Variants in BUD13 observed in about 807,000 individuals in gnomAD.
BUD13 encodes the protein BUD13 spliceosome associated protein.
BUD13 carries 47 observed loss-of-function variants against 62.5 expected under a neutral mutation model. That is an observed-to-expected ratio of 0.75 (90% confidence interval 0.60 to 0.96). The LOEUF (loss-of-function observed/expected upper bound fraction) is 0.96. Ranked by LOEUF, BUD13 falls within the 40% of genes least tolerant of loss-of-function variation. The pLI is 0.00. For synonymous variants in BUD13, 293 were observed against 280.1 expected (o/e 1.05, Z -0.46); for missense variants, 821 against 790.9 (o/e 1.04, Z -0.46).
chr11:116,772,929 A>G lies in BUD13; in HGVS notation c.36T>C (p.Tyr12=). Residue 12 remains tyrosine, a synonymous_variant, in exon 1 of 10, where the codon TAT becomes TAC. Transcript: ENST00000260210. ...CTGCCCCGGACAAGTAACGCTTCAG[A>G]TACTCGGCCTTGGAAAGCGGCGGAG... is the stretch of plus-strand genomic sequence containing the variant. ...AAAPPLSKAE[Y]LKRYLSGADA... is the part of the protein sequence containing the mutation. 1 of 1,585,576 alleles carries G rather than the reference A, an allele frequency of 6.3e-7. No homozygotes were observed. The highest frequency in any genetic ancestry group is 8.6e-7 in the Non-Finnish European group (1 of 1,166,220).
Position 116,752,951 on chromosome 11 carries a change from C to T in BUD13, c.1766+4195G>A, listed in dbSNP as rs559923536. Among the ~76,000 whole-genome samples the T allele has an allele frequency of 2.4e-4, 37 of 152,170 alleles. 1 individual carries two copies. The highest frequency in any genetic ancestry group is 6.5e-4 in the African/African-American group (27 of 41,508). On this transcript the variant is annotated intron_variant, in intron 9 of 9. Transcript: ENST00000260210. ...TGGCTGTTGGATTTTGACGGCACCC[C>T]GAGGGACAGAAGACAACGCCTTAGG...
intron 2 of BUD13, among the ~76,000 whole-genome samples, chr11:116,767,717 T>G (rs1306354222): frequency 6.6e-6 from 1 of 151,866 alleles, no homozygotes; most frequent in African/African-American, 2.4e-5. Context: ...CTAACACCTG[T>G]AATCCCAACA....
intron 9 of BUD13, among the ~76,000 whole-genome samples, chr11:116,753,521 G>C (rs1940276180): frequency 6.6e-6 from 1 of 152,198 alleles, no homozygotes; most frequent in Admixed American, 6.5e-5. Context: ...GAGGAATACA[G>C]TGTAACAGAA....
chr11:116,756,849 C>A (rs1940334543), intron 9 of BUD13, among the ~76,000 whole-genome samples: 1 of 152,076 alleles, frequency 6.6e-6, no homozygotes, highest in South Asian at 2.1e-4. Flanking sequence ...TCACTCAACC[C>A]CTCTAAACCT....
intron 4 of BUD13, among the ~76,000 whole-genome samples, chr11:116,761,875 C>T (rs571963904): frequency 7.2e-5 from 11 of 152,300 alleles, no homozygotes; most frequent in South Asian, 4.1e-4. Flanking sequence ...TGACCCAGTA[C>T]ATCAACTTCT....
At chr11:116,772,676 T>C in intron 1 of BUD13, 146 bp downstream of exon 1, 1 of 1,151,050 alleles carries the variant, frequency 8.7e-7, no homozygotes, top group Non-Finnish European at 1.2e-6. Flanking sequence ...CCTCAAGCGA[T>C]GTGAGTGGGG....
intron 5 of BUD13, 109 bp from the exon 6 acceptor site, chr11:116,759,288 C>A: frequency 1.5e-6 from 1 of 688,356 alleles, no homozygotes; most frequent in Non-Finnish European, 2.6e-6. Context: ...ATAATTAAAC[C>A]TAAAACTCTA....
At chr11:116,754,806 G>A (rs1277891854) in intron 9 of BUD13, among the ~76,000 whole-genome samples, 2 of 152,164 alleles carry the variant, frequency 1.3e-5, no homozygotes, top group Non-Finnish European at 2.9e-5. Context: ...TAAACTGTAT[G>A]CAAAGATGGA....
intron 9 of BUD13, among the ~76,000 whole-genome samples, chr11:116,751,997 G>A (rs1219260260): frequency 6.6e-6 from 1 of 152,160 alleles, no homozygotes; most frequent in African/African-American, 2.4e-5. Context: ...AGGCTGGAGT[G>A]CAGTGGCACG....
chr11:116,766,625 TA>T (rs1297977493), intron 2 of BUD13, among the ~76,000 whole-genome samples: 1 of 152,238 alleles, frequency 6.6e-6, no homozygotes, highest in African/African-American at 2.4e-5. Flanking sequence ...AGGATTGCTA[TA>T]AGGATTGAAT....
intron 1 of BUD13, among the ~76,000 whole-genome samples, chr11:116,772,580 TCAAAG>T (rs1940649890): frequency 6.6e-6 from 1 of 152,156 alleles, no homozygotes; most frequent in Admixed American, 6.5e-5. Flanking sequence ...AAAAGAGTAA[TCAAAG>T]TTACACCCCG....
chr11:116,748,667 G>C (rs1386273879), intron 9 of BUD13, 92 bp from the exon 10 acceptor site: 2 of 1,285,162 alleles, frequency 1.6e-6, no homozygotes, highest in Non-Finnish European at 2.2e-6. Flanking sequence ...TAATGAAAAG[G>C]GGGGAAAGTA....
Position 116,759,133 on chromosome 11 carries a change from T to G in BUD13, c.1301A>C (p.Asp434Ala). 1.9e-6 allele frequency: 3 copies of G among 1,614,154 alleles called. No homozygotes were observed. Among genetic ancestry groups the G allele is most frequent in the Non-Finnish European group, 2.5e-6 (3 of 1,180,026 alleles). The change falls in exon 6 of 10, where the codon GAC becomes GCC. Residue 434 changes from aspartate to alanine, a missense_variant. By Grantham distance (126) the Asp-to-Ala change is moderately radical. This residue lies in a region of BUD13 where 800 missense variants were observed against 739.2 expected (regional missense o/e 1.08). Coordinates refer to ENST00000260210, the MANE Select transcript of BUD13 (RefSeq NM_032725.4). ...SGAKTGLVLTDIQREQQELKE... is the reference protein window; with the variant it reads ...SGAKTGLVLTAIQREQQELKE... ...GAGCTCCTGCTGTTCTCGCTGTATG[T>G]CAGTTAACACCAACCCAGTTTTAGC...
At chr11:116,754,142 G>C (rs1940286344) in intron 9 of BUD13, among the ~76,000 whole-genome samples, 1 of 152,154 alleles carries the variant, frequency 6.6e-6, no homozygotes, top group African/African-American at 2.4e-5. Context: ...ACCTCCCTGG[G>C]CTCAGTGATC....
chr11:116,766,181 C>T (rs1158670693), intron 2 of BUD13, among the ~76,000 whole-genome samples: 2 of 152,162 alleles, frequency 1.3e-5, no homozygotes, highest in Non-Finnish European at 2.9e-5. Context: ...TGATGTAAGT[C>T]CACATGACAA....
chr11:116,751,196 A>G (rs1940226052), intron 9 of BUD13, among the ~76,000 whole-genome samples: 1 of 152,248 alleles, frequency 6.6e-6, no homozygotes, highest in South Asian at 2.1e-4. Context: ...CTAGATTGAA[A>G]GTGAGCTCCT....
Position 116,762,671 on chromosome 11 carries a change from TC to T in BUD13, c.917del (p.Gly306GlufsTer127). The T allele has an allele frequency of 6.2e-7, 1 of 1,614,182 alleles. No homozygotes were observed. The highest frequency in any genetic ancestry group is 8.5e-7 in the Non-Finnish European group (1 of 1,180,002). On this transcript the variant is annotated frameshift_variant, in exon 4 of 10. Transcript: ENST00000260210. LOFTEE classifies it high-confidence loss of function. ...SKTSPHWKES[G>X]ASHLSFPKNS... Reference sequence around the variant, plus strand: ...TCTTTGGGAATGACAAATGGGAGGCTCCTGACTCCTTCCAATGTGGAGAAGT... The same window carrying T: ...TCTTTGGGAATGACAAATGGGAGGCTCTGACTCCTTCCAATGTGGAGAAGT...
chr11:116,752,795 C>T (rs1462627431), intron 9 of BUD13, among the ~76,000 whole-genome samples: 2 of 152,082 alleles, frequency 1.3e-5, no homozygotes, highest in South Asian at 2.1e-4. Flanking sequence ...GAAAGAAGAG[C>T]CTTAAATTTT....
At position 116,770,195 on chromosome 11, in the gene BUD13, G is replaced by A; in HGVS notation, c.171C>T (p.Ser57=). ...GTTTGGTTGTGGAGATAGCTGTCCA[G>A]CTCACATCATCATCCACAATCCGCA... ...KGMRIVDDDV[S]WTAISTTKLE... Residue 57 remains serine (S), a synonymous_variant, in exon 2 of 10, where the codon AGC becomes AGT. Transcript: ENST00000260210. 1 of 1,613,242 alleles carries A rather than the reference G, an allele frequency of 6.2e-7. No homozygotes were observed. Among genetic ancestry groups the A allele is most frequent in the Non-Finnish European group, 8.5e-7 (1 of 1,179,688 alleles).
Sources: allele counts gnomAD v4.1 joint callset (sites outside exome capture counted in the v4.1 genomes callset), GRCh38; gene constraint gnomAD v4.1.1; regional missense constraint gnomAD v4.1.1; transcripts MANE v1.5; gene names NCBI Gene and HGNC (gene_info 2026-07-23, HGNC 2026-07-21).